The following KCNJ3 variants were observed in gnomAD, a reference collection of about 807,000 sequenced individuals.
KCNJ3 encodes the protein G protein-activated inward rectifier potassium channel 1.
A neutral mutation model predicts 39.2 loss-of-function variants in KCNJ3; 4 were observed. The observed-to-expected ratio is 0.10, with a 90% CI of 0.05 to 0.23. KCNJ3 has a LOEUF of 0.23. Ranked by LOEUF, KCNJ3 falls within the 10% of genes least tolerant of loss-of-function variation. The probability of loss-of-function intolerance (pLI) is 1.00; values close to 1 mark genes in which losing one functional copy is unlikely to be tolerated. For synonymous variants in KCNJ3, 230 were observed against 237.4 expected (o/e 0.97, Z 0.29); for missense variants, 276 against 634.9 (o/e 0.43, Z 6.08).
intron 2 of KCNJ3, among the ~76,000 whole-genome samples, chr2:154,756,905 T>C (rs571427342): frequency 9.3e-4 from 141 of 152,172 alleles, no homozygotes; most frequent in African/African-American, 3.2e-3. Context: ...GCATAAGATA[T>C]ATGTGAGAGG....
intron 2 of KCNJ3, among the ~76,000 whole-genome samples, chr2:154,778,808 A>G (rs1474878345): frequency 6.6e-6 from 1 of 152,120 alleles, no homozygotes; most frequent in African/African-American, 2.4e-5. Flanking sequence ...AAGAGTGGTT[A>G]ATTACTGAAA....
chr2:154,788,405 T>A (rs1686571220), intron 2 of KCNJ3, among the ~76,000 whole-genome samples: 1 of 152,168 alleles, frequency 6.6e-6, no homozygotes, highest in Non-Finnish European at 1.5e-5. Flanking sequence ...AGACTGCTGA[T>A]ATTCTAGACT....
chr2:154,705,781 T>G (rs1249876918), intron 1 of KCNJ3, among the ~76,000 whole-genome samples: 1 of 152,132 alleles, frequency 6.6e-6, no homozygotes, highest in African/African-American at 2.4e-5. Context: ...TTTAAACAAT[T>G]AATTTATTTA....
intron 2 of KCNJ3, among the ~76,000 whole-genome samples, chr2:154,736,445 A>T (rs1315588092): frequency 2.0e-5 from 3 of 147,272 alleles, no homozygotes; most frequent in Non-Finnish European, 3.0e-5. Flanking sequence ...ACACTGTGAC[A>T]CTGGACTCTG....
intron 2 of KCNJ3, among the ~76,000 whole-genome samples, chr2:154,767,760 A>AC (rs1400375244): frequency 6.6e-6 from 1 of 152,204 alleles, no homozygotes; most frequent in Non-Finnish European, 1.5e-5. Context: ...AGGAATTGCC[A>AC]CACTGTCTTC....
chr2:154,811,541 C>A (rs573069699), intron 2 of KCNJ3, among the ~76,000 whole-genome samples: 49 of 152,272 alleles, frequency 3.2e-4, no homozygotes, highest in Non-Finnish European at 5.4e-4. Context: ...ATCCGCCCAC[C>A]TTGGCCTCCC....
intron 2 of KCNJ3, among the ~76,000 whole-genome samples, chr2:154,788,094 G>A (rs1487973258): frequency 1.3e-5 from 2 of 152,090 alleles, no homozygotes; most frequent in African/African-American, 4.8e-5. Context: ...CTGAGAAGAT[G>A]TGCTTGGACA....
chr2:154,708,079 C>T (rs183484511), intron 1 of KCNJ3, among the ~76,000 whole-genome samples: 1 of 152,208 alleles, frequency 6.6e-6, no homozygotes, highest in East Asian at 1.9e-4. Flanking sequence ...TTTCAGTGGG[C>T]TCTTTTATTT....
At position 154,796,335 on chromosome 2, in the gene KCNJ3, T is replaced by A. The variant is rs189782456; in HGVS notation, c.920-58392T>A. Reference sequence around the variant, plus strand: ...TCTGTGGACATAAAATACCCCTTCATACAAAATTAAAAATGCAGTTTTCTA... The same window carrying A: ...TCTGTGGACATAAAATACCCCTTCAAACAAAATTAAAAATGCAGTTTTCTA... On this transcript the variant is annotated intron_variant, in intron 2 of 2. Coordinates refer to ENST00000295101, the MANE Select transcript of KCNJ3 (RefSeq NM_002239.4). Among the ~76,000 whole-genome samples the A allele has an allele frequency of 4.6e-5, 7 of 152,260 alleles. 1 individual carries two copies. The South Asian group carries it at 1.0e-3, about 23-fold the overall frequency.
At chr2:154,783,779 A>G (rs1426734407) in intron 2 of KCNJ3, among the ~76,000 whole-genome samples, 4 of 152,190 alleles carry the variant, frequency 2.6e-5, no homozygotes, top group Non-Finnish European at 5.9e-5. Flanking sequence ...TTTCTTCTCT[A>G]TATAAGAAAC....
chr2:154,850,349 C>G (rs1173222354), intron 2 of KCNJ3, among the ~76,000 whole-genome samples: 2 of 152,018 alleles, frequency 1.3e-5, no homozygotes, highest in Non-Finnish European at 2.9e-5. Flanking sequence ...CATTCTAATT[C>G]TAGAAGGAAG....
intron 2 of KCNJ3, among the ~76,000 whole-genome samples, chr2:154,776,273 A>C (rs917530955): frequency 1.3e-5 from 2 of 152,094 alleles, no homozygotes; most frequent in Non-Finnish European, 2.9e-5. Flanking sequence ...AAGTGCTTGG[A>C]GTACAGGCGT....
intron 2 of KCNJ3, among the ~76,000 whole-genome samples, chr2:154,714,419 C>T (rs764127572): frequency 6.6e-6 from 1 of 152,084 alleles, no homozygotes; most frequent in African/African-American, 2.4e-5. Context: ...TACTCCTCCT[C>T]GCTCCTGTAA....
chr2:154,774,657 T>G (rs145862046), intron 2 of KCNJ3, among the ~76,000 whole-genome samples: 1,985 of 152,200 alleles, frequency 0.013, 161 homozygotes, highest in Admixed American at 0.12. Context: ...GTGGGAACAC[T>G]CTATTCTGTA....
intron 2 of KCNJ3, among the ~76,000 whole-genome samples, chr2:154,718,629 T>C (rs1199637107): frequency 6.6e-6 from 1 of 152,194 alleles, no homozygotes. Context: ...CACTTAGGAT[T>C]GGTGTATTCC....
At chr2:154,852,209 A>G (rs1687767866) in intron 2 of KCNJ3, among the ~76,000 whole-genome samples, 1 of 152,142 alleles carries the variant, frequency 6.6e-6, no homozygotes, top group Admixed American at 6.6e-5. Flanking sequence ...AGTTTTTAAA[A>G]TTAAAAAAGT....
At chr2:154,768,541 T>C (rs986672120) in intron 2 of KCNJ3, among the ~76,000 whole-genome samples, 22 of 152,318 alleles carry the variant, frequency 1.4e-4, no homozygotes, top group African/African-American at 5.3e-4. Flanking sequence ...GTTCCATTGG[T>C]CTATATCTCT....
chr2:154,817,174 C>A (rs1271660240), intron 2 of KCNJ3, among the ~76,000 whole-genome samples: 1 of 152,280 alleles, frequency 6.6e-6, no homozygotes, highest in South Asian at 2.1e-4. Flanking sequence ...CCATTAATTT[C>A]ATACTTCTTT....
chr2:154,704,974 T>C (rs1684976617), intron 1 of KCNJ3, among the ~76,000 whole-genome samples: 1 of 152,224 alleles, frequency 6.6e-6, no homozygotes, highest in African/African-American at 2.4e-5. Context: ...CTCTCCGTCT[T>C]AGCCTCCTTT....
Sources: allele counts gnomAD v4.1 joint callset (sites outside exome capture counted in the v4.1 genomes callset), GRCh38; gene constraint gnomAD v4.1.1; transcripts MANE v1.5; gene names NCBI Gene and HGNC (gene_info 2026-07-23, HGNC 2026-07-21).